Variants in COQ8A observed in about 807,000 individuals in gnomAD.
COQ8A encodes the protein atypical kinase COQ8A, mitochondrial.
COQ8A carries 51 observed loss-of-function variants against 65.0 expected under a neutral mutation model. That is an observed-to-expected ratio of 0.78 (90% CI 0.63 to 0.99). The LOEUF is 0.99. Ranked by LOEUF, COQ8A falls within the 50% of genes least tolerant of loss-of-function variation. The pLI is 0.00. For missense variants in COQ8A, 940 were observed against 875.0 expected (o/e 1.07, Z -0.94); for synonymous variants, 371 against 353.2 (o/e 1.05, Z -0.57).
Position 226,952,413 on chromosome 1 carries a change from CTTTTA to C in COQ8A, c.-9-8954_-9-8950del, listed in dbSNP as rs1353334231. Among the ~76,000 whole-genome samples the C allele has an allele frequency of 4.5e-4, 69 of 152,056 alleles. 1 individual carries two copies. The highest frequency in any genetic ancestry group is 3.1e-4 in the Non-Finnish European group (21 of 67,972). ...TTAAGATTATTTTTATTTTATTTATCTTTTATTTTATTTTTTTTGAGACAGGTCTT... is the reference window on the plus strand; with the variant it reads ...TTAAGATTATTTTTATTTTATTTATCTTTTATTTTTTTTGAGACAGGTCTT... On this transcript the variant is annotated intron_variant, in intron 1 of 14. Coordinates refer to ENST00000366777, the MANE Select transcript of COQ8A (RefSeq NM_020247.5).
chr1:226,971,106 A>G lies in COQ8A; in HGVS notation c.655+5369A>G, dbSNP rs187698118. On this transcript the variant is annotated intron_variant, in intron 4 of 14. Transcript: ENST00000366777. ...CAGGTGCATGCCACCACACCCAGCT[A>G]ATTTTTGTATTTTTAGCAGAGATGG... Among the ~76,000 whole-genome samples the G allele has an allele frequency of 2.5e-3, 376 of 151,898 alleles. 9 individuals are homozygous for G. The East Asian group carries it at 0.047, about 19-fold the overall frequency.
At position 226,978,559 on chromosome 1, in the gene COQ8A, C is replaced by T. The variant is rs1209965989; in HGVS notation, c.730+1036C>T. On this transcript the variant is annotated intron_variant, in intron 5 of 14. Coordinates refer to ENST00000366777, the MANE Select transcript of COQ8A (RefSeq NM_020247.5). ...ACCTCCTTACCCTCCACACACCCCC[C>T]ACAGCCACACACCACCTTACACACT... 3.0e-5 allele frequency among the ~76,000 whole-genome samples: 3 copies of T among 101,202 alleles called. 1 individual carries two copies. The highest frequency in any genetic ancestry group is 8.3e-5 in the African/African-American group (3 of 35,974). 66.4% of individuals were successfully genotyped at this position (101,202 alleles called of 152,430 possible).
intron 1 of COQ8A, among the ~76,000 whole-genome samples, chr1:226,955,134 A>AG (rs1657608564): frequency 1.3e-5 from 2 of 152,054 alleles, no homozygotes; most frequent in South Asian, 4.1e-4. Context: ...CTTGAGGGCA[A>AG]GGGAGGAGGC....
chr1:226,951,598 C>A (rs1013929687), intron 1 of COQ8A, among the ~76,000 whole-genome samples: 2 of 152,082 alleles, frequency 1.3e-5, no homozygotes, highest in Non-Finnish European at 2.9e-5. Flanking sequence ...GGGGTCCTTG[C>A]CCCAACACGA....
At chr1:226,954,917 C>T (rs1427401902) in intron 1 of COQ8A, among the ~76,000 whole-genome samples, 1 of 152,016 alleles carries the variant, frequency 6.6e-6, no homozygotes, top group African/African-American at 2.4e-5. Flanking sequence ...TGCTGGGAGG[C>T]ATGTTGGGGA....
chr1:226,951,311 G>A (rs1170566757), intron 1 of COQ8A, among the ~76,000 whole-genome samples: 2 of 152,238 alleles, frequency 1.3e-5, no homozygotes, highest in African/African-American at 4.8e-5. Flanking sequence ...CCAACAACGT[G>A]GAGGGGAATG....
chr1:226,962,534 T>C (rs1037851111), intron 2 of COQ8A, among the ~76,000 whole-genome samples: 4 of 152,194 alleles, frequency 2.6e-5, no homozygotes, highest in African/African-American at 9.7e-5. Context: ...CCTGTGTGTG[T>C]GCGCTTAGGC....
In COQ8A at chr1:226,965,421, G is replaced by A; in HGVS notation, c.588+11G>A. The A allele has an allele frequency of 1.2e-6, 2 of 1,604,118 alleles. No homozygotes were observed. The highest frequency in any genetic ancestry group is 1.7e-4 in the Middle Eastern group (1 of 5,978). ...CAGCACAAACAGACGGTGCGTATGG[G>A]AGGCCCCTGGAGGGCCGAGGTAGCT... On this transcript the variant is annotated intron_variant, in intron 3 of 14. Transcript: ENST00000366777.
chr1:226,962,696 C>T (rs1658324360), intron 2 of COQ8A, among the ~76,000 whole-genome samples: 2 of 152,190 alleles, frequency 1.3e-5, no homozygotes, highest in African/African-American at 4.8e-5. Flanking sequence ...ACCTGCAGGC[C>T]CTTCCCTGCC....
intron 14 of COQ8A, 134 bp from the exon 15 acceptor site, chr1:226,986,319 C>A: frequency 2.0e-6 from 2 of 1,014,746 alleles, no homozygotes; most frequent in Non-Finnish European, 2.9e-6. Flanking sequence ...AGTTTATGCC[C>A]ATTACCATGA....
chr1:226,960,476 C>CTTGGTGGTGGT (rs1658159688), intron 1 of COQ8A, among the ~76,000 whole-genome samples: 2 of 16,042 alleles, frequency 1.2e-4, no homozygotes, highest in African/African-American at 3.9e-4. Context: ...GTGGTGGTGG[C>CTTGGTGGTGGT]AGTGGTACTT....
intron 8 of COQ8A, chr1:226,983,292 AT>A (rs1659831962): frequency 2.4e-5 from 16 of 671,266 alleles, no homozygotes; most frequent in Non-Finnish European, 3.5e-5. Context: ...GGGACAAGTG[AT>A]TGCTTTTTGG....
At chr1:226,940,519 C>T (rs1335669704) in intron 1 of COQ8A, 120 bp downstream of exon 1, 2 of 152,434 alleles carry the variant, frequency 1.3e-5, no homozygotes, top group Non-Finnish European at 2.9e-5. Flanking sequence ...CGCAGCTTCC[C>T]CGCGAGTTTC....
At chr1:226,945,044 C>G (rs1182964360) in intron 1 of COQ8A, among the ~76,000 whole-genome samples, 6 of 152,134 alleles carry the variant, frequency 3.9e-5, no homozygotes, top group Non-Finnish European at 1.5e-5. Context: ...TTGTTTTGAG[C>G]ATTACTCTTT....
intron 4 of COQ8A, among the ~76,000 whole-genome samples, chr1:226,976,863 C>T (rs1659268255): frequency 6.6e-6 from 1 of 152,186 alleles, no homozygotes; most frequent in Non-Finnish European, 1.5e-5. Flanking sequence ...AGAGGGCCTT[C>T]CATTACCCAG....
intron 4 of COQ8A, among the ~76,000 whole-genome samples, chr1:226,971,646 C>A (rs1373577830): frequency 6.6e-6 from 1 of 151,976 alleles, no homozygotes; most frequent in Non-Finnish European, 1.5e-5. Context: ...AAATGTGTTT[C>A]CTTTGATCAC....
chr1:226,960,256 G>GCAGTGGTACT (rs1658085508), intron 1 of COQ8A, among the ~76,000 whole-genome samples: 1 of 147,848 alleles, frequency 6.8e-6, no homozygotes, highest in African/African-American at 2.5e-5. Flanking sequence ...CTTGGTGGTG[G>GCAGTGGTACT]TGGTGGTGGT....
intron 2 of COQ8A, among the ~76,000 whole-genome samples, chr1:226,963,560 C>G (rs2490269): frequency 0.9 from 136,872 of 152,316 alleles, 61,561 homozygotes; most frequent in African/African-American, 0.91. Flanking sequence ...CACTGTCAAG[C>G]CTTCCCTGGG....
intron 1 of COQ8A, among the ~76,000 whole-genome samples, chr1:226,959,941 T>A (rs767354751): frequency 1.2e-4 from 18 of 152,260 alleles, no homozygotes; most frequent in Non-Finnish European, 2.1e-4. Context: ...CCCACAGTGC[T>A]CCTTGATGCT....
Sources: allele counts gnomAD v4.1 joint callset (sites outside exome capture counted in the v4.1 genomes callset), GRCh38; gene constraint gnomAD v4.1.1; transcripts MANE v1.5; gene names NCBI Gene and HGNC (gene_info 2026-07-23, HGNC 2026-07-21).